NXPH1: variants seen among roughly 807,000 people sequenced by gnomAD.
The protein encoded by NXPH1 is neurexophilin 1.
NXPH1 carries 5 observed loss-of-function variants against 23.7 expected under a neutral mutation model. That is an observed-to-expected ratio of 0.21 (90% confidence interval 0.11 to 0.44). The LOEUF (loss-of-function observed/expected upper bound fraction) is 0.44, where lower values mean the gene tolerates loss of function less well. NXPH1 is among the 20% of genes least tolerant of loss of function. The pLI, the probability that NXPH1 is intolerant of heterozygous loss-of-function variation, is 0.99. For synonymous variants in NXPH1, 144 were observed against 122.2 expected (o/e 1.18, Z -1.18); for missense variants, 324 against 321.6 (o/e 1.01, Z -0.06).
intron 2 of NXPH1, among the ~76,000 whole-genome samples, chr7:8,740,387 T>C (rs1028957591): frequency 2.6e-5 from 4 of 152,192 alleles, no homozygotes; most frequent in African/African-American, 9.7e-5. Flanking sequence ...CCCCATGACA[T>C]GCACTACATA....
chr7:8,561,105 C>G (rs1818436005), intron 2 of NXPH1, among the ~76,000 whole-genome samples: 1 of 151,748 alleles, frequency 6.6e-6, no homozygotes, highest in South Asian at 2.1e-4. Flanking sequence ...ATTCTATATA[C>G]TCTCCCAGTA....
intron 2 of NXPH1, among the ~76,000 whole-genome samples, chr7:8,734,221 C>A (rs1454299509): frequency 1.3e-5 from 2 of 152,074 alleles, no homozygotes; most frequent in Non-Finnish European, 2.9e-5. Context: ...CTGTTATGTT[C>A]CATTGGTTTA....
At chr7:8,711,682 A>T (rs912128588) in intron 2 of NXPH1, among the ~76,000 whole-genome samples, 2 of 152,142 alleles carry the variant, frequency 1.3e-5, no homozygotes, top group African/African-American at 2.4e-5. Context: ...AGGGGTGTGT[A>T]TGCATACATA....
At chr7:8,634,238 G>A (rs1820180029) in intron 2 of NXPH1, among the ~76,000 whole-genome samples, 2 of 152,020 alleles carry the variant, frequency 1.3e-5, no homozygotes, top group South Asian at 4.2e-4. Context: ...CTGTTCTCAT[G>A]ATAGTGAATA....
intron 2 of NXPH1, among the ~76,000 whole-genome samples, chr7:8,655,634 A>T (rs1820569759): frequency 6.6e-6 from 1 of 151,826 alleles, no homozygotes; most frequent in Admixed American, 6.6e-5. Flanking sequence ...ATATATGATT[A>T]TTGTTGATTA....
At chr7:8,520,548 A>T (rs2057749) in intron 2 of NXPH1, among the ~76,000 whole-genome samples, 36,457 of 152,008 alleles carry the variant, frequency 0.24, 4,458 homozygotes, top group East Asian at 0.3. Context: ...TTATTGATCC[A>T]TTTCCCCCCA....
chr7:8,678,928 A>AT lies in NXPH1; in HGVS notation c.55-72045dup, dbSNP rs540056222. Among the ~76,000 whole-genome samples, 644 of 68,620 alleles carry AT rather than the reference A, an allele frequency of 9.4e-3. 73 individuals carry two copies. Among genetic ancestry groups the AT allele is most frequent in the African/African-American group, 0.021 (287 of 13,436 alleles). The allele number at this position is 68,620 out of a possible 152,430, so 45.0% of individuals were successfully genotyped here. Reference sequence around the variant, plus strand: ...TCTAGATTTATCTTTGCTTTATCCAATTTTTTTTTTTTTTTTTTTTTTTTT... The same window carrying AT: ...TCTAGATTTATCTTTGCTTTATCCAATTTTTTTTTTTTTTTTTTTTTTTTTT... On this transcript the variant is annotated intron_variant, in intron 2 of 2. Transcript: ENST00000405863.
intron 2 of NXPH1, among the ~76,000 whole-genome samples, chr7:8,724,118 G>T (rs779665028): frequency 6.6e-6 from 1 of 152,176 alleles, no homozygotes; most frequent in African/African-American, 2.4e-5. Context: ...TTCAACAACA[G>T]CTGCTCCTTC....
At chr7:8,662,696 G>C (rs1340097065) in intron 2 of NXPH1, among the ~76,000 whole-genome samples, 1 of 151,960 alleles carries the variant, frequency 6.6e-6, no homozygotes, top group African/African-American at 2.4e-5. Flanking sequence ...ATAAGTATCA[G>C]TCAGGGCTGG....
intron 2 of NXPH1, among the ~76,000 whole-genome samples, chr7:8,480,937 G>A (rs1349544979): frequency 6.6e-6 from 1 of 152,158 alleles, no homozygotes; most frequent in Non-Finnish European, 1.5e-5. Context: ...TTCATGGTGA[G>A]ACTCTTTTTA....
Position 8,560,969 on chromosome 7 carries a change from A to G in NXPH1, c.54+125202A>G, listed in dbSNP as rs141436476. Among the ~76,000 whole-genome samples, 1,064 of 151,694 alleles carry G rather than the reference A, an allele frequency of 7.0e-3. 10 individuals carry two copies. The highest frequency in any genetic ancestry group is 0.023 in the African/African-American group (940 of 41,468). On this transcript the variant is annotated intron_variant, in intron 2 of 2. Coordinates refer to ENST00000405863, the MANE Select transcript of NXPH1 (RefSeq NM_152745.3). ...CATGCTAACCTTTGTTACCTCTCCT[A>G]GGGTTTAGGAAACAAGCCCCTCTGG...
intron 2 of NXPH1, among the ~76,000 whole-genome samples, chr7:8,464,600 A>G (rs148841180): frequency 1.5e-3 from 221 of 152,324 alleles, no homozygotes; most frequent in African/African-American, 4.9e-3. Flanking sequence ...AGTCAAGAAG[A>G]TCTAGATTTG....
intron 2 of NXPH1, among the ~76,000 whole-genome samples, chr7:8,546,528 G>A (rs1818199871): frequency 6.6e-6 from 1 of 151,314 alleles, no homozygotes; most frequent in Non-Finnish European, 1.5e-5. Context: ...CTGGCCTCAT[G>A]GTCAGATGTT....
intron 2 of NXPH1, among the ~76,000 whole-genome samples, chr7:8,705,495 A>G (rs890930543): frequency 2.0e-5 from 3 of 152,154 alleles, no homozygotes; most frequent in Non-Finnish European, 4.4e-5. Flanking sequence ...AAAGCTTGAA[A>G]TATGCAGGGG....
chr7:8,544,706 G>A (rs982585607), intron 2 of NXPH1, among the ~76,000 whole-genome samples: 109 of 151,510 alleles, frequency 7.2e-4, no homozygotes, highest in African/African-American at 2.5e-3. Context: ...TAAAGTGCCT[G>A]TTTCTTTAAG....
intron 2 of NXPH1, among the ~76,000 whole-genome samples, chr7:8,512,979 G>A (rs1376194771): frequency 2.0e-5 from 3 of 152,076 alleles, no homozygotes; most frequent in African/African-American, 7.2e-5. Context: ...GGTACAGGAA[G>A]ATGAAGCTAT....
At chr7:8,645,941 A>G (rs1820392525) in intron 2 of NXPH1, among the ~76,000 whole-genome samples, 1 of 152,000 alleles carries the variant, frequency 6.6e-6, no homozygotes, top group Non-Finnish European at 1.5e-5. Flanking sequence ...TGTTAATTGT[A>G]TTTTTATTAT....
At chr7:8,712,080 G>A (rs1779805335) in intron 2 of NXPH1, among the ~76,000 whole-genome samples, 1 of 152,166 alleles carries the variant, frequency 6.6e-6, no homozygotes, top group East Asian at 1.9e-4. Context: ...GTCGAGAAGT[G>A]GAGCTTGATT....
At chr7:8,655,446 CTCTA>C (rs1413210526) in intron 2 of NXPH1, among the ~76,000 whole-genome samples, 2 of 60,970 alleles carry the variant, frequency 3.3e-5, no homozygotes, top group Non-Finnish European at 6.8e-5. Flanking sequence ...CTCTCTCTCT[CTCTA>C]TACACACACA....
Sources: allele counts gnomAD v4.1 joint callset (sites outside exome capture counted in the v4.1 genomes callset), GRCh38; gene constraint gnomAD v4.1.1; transcripts MANE v1.5; gene names NCBI Gene and HGNC (gene_info 2026-07-23, HGNC 2026-07-21).